Variants in AKNAD1 observed in about 807,000 individuals in gnomAD.
The protein encoded by AKNAD1 is protein AKNAD1.
A neutral mutation model predicts 90.8 loss-of-function variants in AKNAD1; 67 were observed. The ratio of observed to expected loss-of-function variants is 0.74; its 90% CI spans 0.61 to 0.90. The LOEUF is 0.90. Among genes scored for constraint, AKNAD1 ranks in the 40% least tolerant of loss-of-function variants. AKNAD1 has a pLI of 0.00. For missense variants in AKNAD1, 957 were observed against 975.4 expected, an observed-to-expected ratio of 0.98 and a Z score of 0.25; for synonymous variants, 327 against 341.4, an observed-to-expected ratio of 0.96 and a Z score of 0.46.
chr1:108,851,000 A>G (rs1387744286), intron 2 of AKNAD1, among the ~76,000 whole-genome samples: 1 of 152,218 alleles, frequency 6.6e-6, no homozygotes, highest in African/African-American at 2.4e-5. Context: ...ATTACTAACG[A>G]TCTTAATTCC....
intron 6 of AKNAD1, among the ~76,000 whole-genome samples, chr1:108,840,177 A>AT (rs1312869420): frequency 6.6e-6 from 1 of 152,234 alleles, no homozygotes; most frequent in Non-Finnish European, 1.5e-5. Context: ...GCTTATTAAT[A>AT]TTTTCAGATG....
At chr1:108,850,971 G>T (rs1442800260) in intron 2 of AKNAD1, among the ~76,000 whole-genome samples, 2 of 152,126 alleles carry the variant, frequency 1.3e-5, no homozygotes, top group African/African-American at 4.8e-5. Flanking sequence ...TGATTACCAA[G>T]ATAACAAGCT....
rs1162098009 is a variant in AKNAD1 at position 108,817,169 on chromosome 1, AG to A, written c.2257del (p.Leu753PhefsTer5). ...EHEPTPGKKK[L>X]QAFMTYSSDP... ...TGAGCTGTAGGTCATGAAAGCCTGA[AG>A]TTTTTTTCTGGAAGACAAAAGCACA... is the stretch of plus-strand genomic sequence containing the variant. On this transcript the variant is annotated frameshift_variant, in exon 15 of 16. Transcript: ENST00000370001. LOFTEE classifies it high-confidence loss of function. 6.2e-7 allele frequency: 1 copy of A among 1,613,974 alleles called. No individual in the cohort carries two copies. The highest frequency in any genetic ancestry group is 8.5e-7 in the Non-Finnish European group (1 of 1,179,944).
At chr1:108,840,878 A>G (rs1664532736) in intron 6 of AKNAD1, among the ~76,000 whole-genome samples, 1 of 152,180 alleles carries the variant, frequency 6.6e-6, no homozygotes, top group South Asian at 2.1e-4. Context: ...CTGAAAGTTT[A>G]AAAGAAATGA....
intron 13 of AKNAD1, among the ~76,000 whole-genome samples, chr1:108,820,940 C>G (rs1356844984): frequency 2.0e-5 from 3 of 152,050 alleles, no homozygotes; most frequent in Middle Eastern, 3.4e-3. Flanking sequence ...GTTAACTTAG[C>G]TGGGCATGGT....
At position 108,848,931 on chromosome 1, in the gene AKNAD1, G is replaced by C. The variant is rs769097201; in HGVS notation, c.1163C>G (p.Thr388Ser). 9 of 1,606,426 alleles carry C rather than the reference G, an allele frequency of 5.6e-6. No individual in the cohort carries two copies. Among genetic ancestry groups the C allele is most frequent in the Admixed American group, 1.7e-5 (1 of 58,280 alleles). ...KQMCQKLKEQ[T>S]DQLKTKVQEF... ...TATTACTTTAGTCTTCAGTTGATCA[G>C]TCTGTTCTTTCAACTTCTGACACAT... The change falls in exon 4 of 16, where the codon ACT becomes AGT. Residue 388 changes from threonine (T) to serine (S), a missense_variant. Physicochemically the swap from Thr to Ser is moderately conservative, Grantham distance 58. Coordinates refer to ENST00000370001, the MANE Select transcript of AKNAD1 (RefSeq NM_152763.5).
At chr1:108,839,220 T>G (rs1664463949) in intron 6 of AKNAD1, among the ~76,000 whole-genome samples, 1 of 152,142 alleles carries the variant, frequency 6.6e-6, no homozygotes, top group South Asian at 2.1e-4. Flanking sequence ...GCGCGGTAGT[T>G]CACGCCTGTA....
rs1410292058 is a variant in AKNAD1, at chr1:108,837,574, G to A, written c.1512C>T (p.Ser504=). The A allele has an allele frequency of 1.2e-6, 2 of 1,614,112 alleles. No homozygotes were observed. Among genetic ancestry groups the A allele is most frequent in the East Asian group, 2.2e-5 (1 of 44,874 alleles). The change falls in exon 7 of 16, where the codon TCC becomes TCT. Residue 504 remains serine, a synonymous_variant. Transcript: ENST00000370001. The stretch of plus-strand genomic sequence containing the variant: ...CCTCATTTGAGAGTGAAGAGAAGGT[G>A]GAGGCCAAGTCATCCAGGGTAACTG... The part of the protein sequence containing the change: ...SSPVTLDDLA[S]TFSSLSNEIP...
chr1:108,848,959 G>C lies in AKNAD1; in HGVS notation c.1135C>G (p.Gln379Glu). ...YIFQKISQGK[Q>E]MCQKLKEQTD... ...TGTTCTTTCAACTTCTGACACATCTGTTTCCCTTGGGATATCTTTTGAAAT... is the reference window on the plus strand; with the variant it reads ...TGTTCTTTCAACTTCTGACACATCTCTTTCCCTTGGGATATCTTTTGAAAT... Residue 379 changes from glutamine (Q) to glutamate (E), a missense_variant, in exon 4 of 16, where the codon CAG becomes GAG. Coordinates refer to ENST00000370001, the MANE Select transcript of AKNAD1 (RefSeq NM_152763.5). The C allele has an allele frequency of 6.2e-7, 1 of 1,609,932 alleles. No individual in the cohort carries two copies. Among genetic ancestry groups the C allele is most frequent in the East Asian group, 2.2e-5 (1 of 44,812 alleles).
chr1:108,843,276 G>A lies in AKNAD1; in HGVS notation c.1246-9C>T. 1 of 1,612,862 alleles carries A rather than the reference G, an allele frequency of 6.2e-7. No homozygotes were observed. Among genetic ancestry groups the A allele is most frequent in the Non-Finnish European group, 8.5e-7 (1 of 1,179,662 alleles). On this transcript the variant is annotated splice_polypyrimidine_tract_variant and intron_variant, in intron 5 of 15. Coordinates refer to ENST00000370001, the MANE Select transcript of AKNAD1 (RefSeq NM_152763.5). The stretch of plus-strand genomic sequence containing the variant: ...TGCAGTTTCTCCAGGACCTGCAGCG[G>A]TGAAGTCACTGGAATCATTCACATG...
chr1:108,820,059 C>T (rs1037347292), intron 14 of AKNAD1, among the ~76,000 whole-genome samples: 14 of 152,146 alleles, frequency 9.2e-5, no homozygotes, highest in Admixed American at 1.3e-4. Flanking sequence ...TCATCTTGCT[C>T]CACTGCCGCT....
chr1:108,841,838 G>T (rs900172567), intron 6 of AKNAD1, among the ~76,000 whole-genome samples: 7 of 152,150 alleles, frequency 4.6e-5, no homozygotes, highest in Admixed American at 1.3e-4. Flanking sequence ...GAAAGTCTGG[G>T]TCCCTCCCTT....
intron 9 of AKNAD1, among the ~76,000 whole-genome samples, chr1:108,833,839 G>T (rs1268149343): frequency 6.6e-6 from 1 of 151,848 alleles, no homozygotes; most frequent in East Asian, 1.9e-4. Context: ...CTCCACCTGA[G>T]TTGGAGACCC....
At chr1:108,827,541 G>A (rs1664043257) in intron 10 of AKNAD1, among the ~76,000 whole-genome samples, 1 of 151,516 alleles carries the variant, frequency 6.6e-6, no homozygotes, top group Non-Finnish European at 1.5e-5. Context: ...CAGGCCAGGC[G>A]CGGTGGCTCA....
intron 15 of AKNAD1, 60 bp downstream of exon 15, chr1:108,816,988 G>T: frequency 1.3e-6 from 2 of 1,590,590 alleles, no homozygotes; most frequent in East Asian, 2.2e-5. Flanking sequence ...CCAGTTCTGT[G>T]GGCATCAAGA....
intron 2 of AKNAD1, 57 bp from the exon 3 acceptor site, chr1:108,849,633 G>A (rs747749527): frequency 4.5e-5 from 55 of 1,227,580 alleles, no homozygotes; most frequent in Non-Finnish European, 5.7e-5. Flanking sequence ...TGACACCACC[G>A]TTCAGAATGA....
chr1:108,817,257 G>A, intron 14 of AKNAD1, 80 bp from the exon 15 acceptor site: 1 of 1,566,494 alleles, frequency 6.4e-7, no homozygotes. Context: ...TCTGTGGTAG[G>A]TAATGGCTCT....
rs1003661587 is a variant in AKNAD1, at chr1:108,852,784, C to T, written c.-103-17G>A. On this transcript the variant is annotated splice_polypyrimidine_tract_variant and intron_variant, in intron 1 of 15. Transcript: ENST00000370001. ...TGTGCTATTCTGTGTGAAATGAGAA[C>T]AGCCTCATTGTTAAATATATTGGAA... The T allele has an allele frequency of 1.6e-5, 14 of 853,118 alleles. No individual in the cohort carries two copies. The African/African-American group carries it at 2.4e-4, about 14-fold the overall frequency. The allele number at this position is 853,118 out of a possible 1,614,324, so 52.8% of individuals were successfully genotyped here. A position where few individuals can be genotyped will look rare whatever the true frequency, so the allele number is the denominator to read the frequency against.
intron 1 of AKNAD1, among the ~76,000 whole-genome samples, chr1:108,854,310 C>G (rs1004596757): frequency 5.3e-5 from 8 of 152,192 alleles, no homozygotes; most frequent in Non-Finnish European, 1.0e-4. Flanking sequence ...GATTCCCTCT[C>G]CCCTGGAGCA....
Sources: gnomAD v4.1 joint callset for allele counts (sites outside exome capture counted in the v4.1 genomes callset) on GRCh38, gnomAD v4.1.1 for gene constraint, MANE v1.5 for transcripts, NCBI Gene and HGNC (gene_info 2026-07-23, HGNC 2026-07-21) for gene names.